The following CHD9 variants were observed in gnomAD, a reference collection of about 807,000 sequenced individuals.
CHD9 encodes the protein ATP-dependent chromatin remodeler CHD9.
Under a neutral mutation model 316.1 loss-of-function variants are expected in CHD9, and 77 were observed. The observed-to-expected ratio is 0.24, with a 90% confidence interval of 0.20 to 0.29. The LOEUF (loss-of-function observed/expected upper bound fraction) is 0.29. CHD9 is among the 10% of genes least tolerant of loss of function. The probability of loss-of-function intolerance (pLI) is 1.00; values close to 1 mark genes in which losing one functional copy is unlikely to be tolerated. For missense variants in CHD9, 2,763 were observed against 3,438.1 expected, an observed-to-expected ratio of 0.80 and a Z score of 4.91; for synonymous variants, 1,129 against 1,158.3, an observed-to-expected ratio of 0.97 and a Z score of 0.51.
At position 53,306,388 on chromosome 16, in the gene CHD9, T is replaced by C. The variant is rs1464955264; in HGVS notation, c.6771T>C (p.Tyr2257=). The C allele has an allele frequency of 8.8e-6, 14 of 1,583,448 alleles. No homozygotes were observed. Among genetic ancestry groups the C allele is most frequent in the Admixed American group, 1.9e-5 (1 of 52,086 alleles). Residue 2257 remains tyrosine (Y), a synonymous_variant, in exon 32 of 39, where the codon TAT becomes TAC. Coordinates refer to ENST00000447540, the MANE Select transcript of CHD9 (RefSeq NM_001308319.2). ...GTGGATATATGCTGGCAGCCTCGTA[T>C]TGGCCAAAGGTAAAGAAATAATTTC... ...LQGGYMLAAS[Y]WPKDRVMINR... is the part of the protein sequence containing the mutation.
intron 2 of CHD9, among the ~76,000 whole-genome samples, chr16:53,191,482 T>G (rs2044475459): frequency 6.6e-6 from 1 of 152,180 alleles, no homozygotes; most frequent in South Asian, 2.1e-4. Flanking sequence ...TTTTTGCTCC[T>G]ATAGTTTTTC....
intron 2 of CHD9, among the ~76,000 whole-genome samples, chr16:53,190,860 AGAG>A (rs539024008): frequency 2.7e-4 from 41 of 152,076 alleles, no homozygotes; most frequent in Non-Finnish European, 4.6e-4. Context: ...TAATAAAAGA[AGAG>A]GAGTTATTAA....
intron 1 of CHD9, among the ~76,000 whole-genome samples, chr16:53,063,000 A>T (rs534553850): frequency 3.0e-4 from 46 of 152,336 alleles, no homozygotes; most frequent in Non-Finnish European, 3.4e-4. Flanking sequence ...AGCCTGGGCA[A>T]CAAGAGTGAA....
intron 1 of CHD9, among the ~76,000 whole-genome samples, chr16:53,109,575 T>A (rs2037664240): frequency 6.6e-6 from 1 of 151,118 alleles, no homozygotes; most frequent in South Asian, 2.1e-4. Flanking sequence ...CCTCAGGTGA[T>A]CCACCTGCCT....
chr16:53,157,771 G>GTTT (rs1447048269), intron 2 of CHD9, among the ~76,000 whole-genome samples: 1 of 152,090 alleles, frequency 6.6e-6, no homozygotes, highest in African/African-American at 2.4e-5. Flanking sequence ...AAATTATAAG[G>GTTT]TGTTAAGACT....
At chr16:53,124,467 A>ATTTTTTT (rs753476091) in intron 1 of CHD9, among the ~76,000 whole-genome samples, 1 of 96,924 alleles carries the variant, frequency 1.0e-5, no homozygotes, top group African/African-American at 3.8e-5. Flanking sequence ...GTGAGACTTA[A>ATTTTTTT]TTTTTTTTTT....
At chr16:53,184,583 G>A (rs2043824672) in intron 2 of CHD9, among the ~76,000 whole-genome samples, 1 of 152,078 alleles carries the variant, frequency 6.6e-6, no homozygotes, top group Non-Finnish European at 1.5e-5. Flanking sequence ...GGGCTCAAGT[G>A]ATCCTCCCAC....
chr16:53,297,248 A>G, intron 30 of CHD9, 90 bp downstream of exon 30: 3 of 876,064 alleles, frequency 3.4e-6, no homozygotes, highest in Non-Finnish European at 5.5e-6. Context: ...TTTTATGTGA[A>G]ATTTCAATAC....
rs531666075 is a variant in CHD9, at chr16:53,325,071, A to C, written c.*176A>C. On this transcript the variant is annotated 3_prime_UTR_variant, in exon 39 of 39. Coordinates refer to ENST00000447540, the MANE Select transcript of CHD9 (RefSeq NM_001308319.2). ...TTGCATGTAATATTTCTTAAGATTC[A>C]TAAGTTTCTGAACTCGTATGTACTA... The C allele has an allele frequency of 3.4e-4, 186 of 550,270 alleles. 2 individuals are homozygous for C. The South Asian group carries it at 6.2e-3, about 18-fold the overall frequency. 34.1% of individuals were successfully genotyped at this position (550,270 alleles called of 1,614,324 possible). A position where few individuals can be genotyped will look rare whatever the true frequency, so the allele number is the denominator to read the frequency against.
intron 2 of CHD9, among the ~76,000 whole-genome samples, chr16:53,201,512 A>T (rs983382231): frequency 1.3e-5 from 2 of 152,194 alleles, no homozygotes; most frequent in Non-Finnish European, 2.9e-5. Context: ...CACCGTTGAT[A>T]ATCTAGTCTG....
chr16:53,242,816 A>C, intron 12 of CHD9, 24 bp from the exon 13 acceptor site: 1 of 1,584,600 alleles, frequency 6.3e-7, no homozygotes, highest in African/African-American at 1.4e-5. Context: ...ATTCCAGCAA[A>C]TAATTATATT....
chr16:53,056,816 C>T (rs1278680908), intron 1 of CHD9, among the ~76,000 whole-genome samples: 2 of 152,094 alleles, frequency 1.3e-5, no homozygotes, highest in East Asian at 3.8e-4. Context: ...CAGCCAGCCC[C>T]GAATGAGAGA....
rs1294411667 is a variant in CHD9 at position 53,245,210 on chromosome 16, AT to A, written c.3055-125del. ...TATATATATATACACACACACACAC[AT>A]AACATATATATATGTATATATAGTC... is the stretch of plus-strand genomic sequence containing the variant. On this transcript the variant is annotated intron_variant, in intron 13 of 38. Transcript: ENST00000447540. This position sits in a 1 kb window ranked among gnomAD's most constrained non-coding sequence, Gnocchi z 4.1. 13 of 611,364 alleles carry A rather than the reference AT, an allele frequency of 2.1e-5. No individual in the cohort carries two copies. Among genetic ancestry groups the A allele is most frequent in the African/African-American group, 8.6e-5 (4 of 46,600 alleles). The allele number at this position is 611,364 out of a possible 1,614,324, so 37.9% of individuals were successfully genotyped here.
intron 24 of CHD9, among the ~76,000 whole-genome samples, chr16:53,277,448 T>C (rs1030313007): frequency 2.0e-5 from 3 of 152,104 alleles, no homozygotes; most frequent in Admixed American, 6.5e-5. Context: ...GTTTAACATA[T>C]GCAAGTCAAC....
chr16:53,058,957 G>A (rs763137734), intron 1 of CHD9, among the ~76,000 whole-genome samples: 1 of 152,066 alleles, frequency 6.6e-6, no homozygotes, highest in Non-Finnish European at 1.5e-5. Flanking sequence ...TCCTGAGCTC[G>A]AGGGATCCTC....
At chr16:53,206,159 G>C (rs1255692942) in intron 2 of CHD9, among the ~76,000 whole-genome samples, 1 of 151,848 alleles carries the variant, frequency 6.6e-6, no homozygotes, top group Non-Finnish European at 1.5e-5. Flanking sequence ...CTCCATGTTG[G>C]TCAGGCTGGT....
chr16:53,207,268 T>C (rs1246893287), intron 2 of CHD9, among the ~76,000 whole-genome samples: 1 of 152,198 alleles, frequency 6.6e-6, no homozygotes, highest in East Asian at 1.9e-4. Flanking sequence ...GAAAGAAAAG[T>C]TGTACTGATG....
intron 7 of CHD9, among the ~76,000 whole-genome samples, chr16:53,228,609 G>T (rs540913553): frequency 2.5e-4 from 37 of 149,556 alleles, no homozygotes; most frequent in African/African-American, 7.9e-4. Context: ...CTGCAGTGGC[G>T]CAATCTCGGC....
intron 2 of CHD9, among the ~76,000 whole-genome samples, chr16:53,164,905 T>G (rs564364977): frequency 6.6e-6 from 1 of 152,170 alleles, no homozygotes; most frequent in Admixed American, 6.5e-5. Context: ...TCTGCCCTTC[T>G]TGGCCTCCCA....
Sources: gnomAD v4.1 joint callset for allele counts (sites outside exome capture counted in the v4.1 genomes callset) on GRCh38, gnomAD v4.1.1 for gene constraint, Gnocchi (gnomAD v3.1) non-coding constraint, MANE v1.5 for transcripts, NCBI Gene and HGNC (gene_info 2026-07-23, HGNC 2026-07-21) for gene names.